CLCN1: variants seen among roughly 807,000 people sequenced by gnomAD.
CLCN1 encodes chloride channel protein 1.
Under a neutral mutation model 114.5 loss-of-function variants are expected in CLCN1, and 100 were observed. The observed-to-expected ratio is 0.87, with a 90% CI of 0.74 to 1.03. The LOEUF (loss-of-function observed/expected upper bound fraction) is 1.03, where lower values mean the gene tolerates loss of function less well. Ranked by LOEUF, CLCN1 falls within the 50% of genes least tolerant of loss-of-function variation. The pLI is 0.00. For synonymous variants in CLCN1, 485 were observed against 487.1 expected, an observed-to-expected ratio of 1.00 and a Z score of 0.06; for missense variants, 1,188 against 1,250.0, an observed-to-expected ratio of 0.95 and a Z score of 0.75.
intron 16 of CLCN1, among the ~76,000 whole-genome samples, chr7:143,343,132 C>T (rs557479399): frequency 2.0e-5 from 3 of 152,288 alleles, no homozygotes; most frequent in African/African-American, 7.2e-5. Context: ...CTGGTAAAGA[C>T]ACCTTATTTC....
chr7:143,319,128 G>A (rs982853644), intron 1 of CLCN1, among the ~76,000 whole-genome samples: 1 of 152,190 alleles, frequency 6.6e-6, no homozygotes, highest in Non-Finnish European at 1.5e-5. Context: ...TGTGGGGCAG[G>A]TAGGGGTCTA....
At chr7:143,323,529 G>A (rs781235162) in intron 6 of CLCN1, 143 bp downstream of exon 6, 38 of 728,378 alleles carry the variant, frequency 5.2e-5, no homozygotes, top group African/African-American at 1.6e-4. Flanking sequence ...TCCCTTCCTC[G>A]TCTCCCTGTC....
In CLCN1 at chr7:143,321,965, G is replaced by A; in HGVS notation, c.696+117G>A. 8.6e-7 allele frequency: 1 copy of A among 1,166,006 alleles called. No homozygotes were observed. Among genetic ancestry groups the A allele is most frequent in the Non-Finnish European group, 1.2e-6 (1 of 830,328 alleles). 72.2% of individuals were successfully genotyped at this position (1,166,006 alleles called of 1,614,324 possible). A position where few individuals can be genotyped will look rare whatever the true frequency, so the allele number is the denominator to read the frequency against. The stretch of plus-strand genomic sequence containing the variant: ...GATCAGGGGACAGGACCAAGGCCAG[G>A]GCCAGGGGACACTAGGAAGGGGAAA... On this transcript the variant is annotated intron_variant, in intron 5 of 22. Transcript: ENST00000343257. This position sits in a 1 kb window ranked among gnomAD's most constrained non-coding sequence, Gnocchi z 4.2.
chr7:143,339,249 C>G lies in CLCN1; in HGVS notation c.1402-4C>G. 1 of 1,599,532 alleles carries G rather than the reference C, an allele frequency of 6.3e-7. No homozygotes were observed. The highest frequency in any genetic ancestry group is 2.2e-5 in the East Asian group (1 of 44,836). ...GGGTATTCCAACGCTTCTTTCTACT[C>G]CAGTTCTGGATGTCCATCGTGGCCA... On this transcript the variant is annotated splice_polypyrimidine_tract_variant and splice_region_variant and intron_variant, in intron 12 of 22. Transcript: ENST00000343257. The surrounding 1 kb of genome is among the most constrained non-coding windows in gnomAD (Gnocchi z 4.1).
At chr7:143,341,892 A>T (rs1460762041) in intron 14 of CLCN1, 37 bp from the exon 15 acceptor site, 2 of 1,540,360 alleles carry the variant, frequency 1.3e-6, no homozygotes, top group Non-Finnish European at 1.8e-6. Context: ...TAAGAACGGT[A>T]GCCCTAACCT....
chr7:143,345,913 A>G, intron 17 of CLCN1, 151 bp downstream of exon 17: 1 of 1,187,334 alleles, frequency 8.4e-7, no homozygotes, highest in Non-Finnish European at 1.2e-6. Flanking sequence ...TGAGAAAGCC[A>G]GAAATTCTGG....
rs184837220 is a variant in CLCN1 at position 143,350,538 on chromosome 7, C to T, written c.2509-30C>T. The T allele has an allele frequency of 1.1e-5, 17 of 1,610,364 alleles. No homozygotes were observed. The highest frequency in any genetic ancestry group is 1.4e-5 in the Non-Finnish European group (17 of 1,176,528). On this transcript the variant is annotated intron_variant, in intron 21 of 22. Transcript: ENST00000343257. This position sits in a 1 kb window ranked among gnomAD's most constrained non-coding sequence, Gnocchi z 5.1. ...GGCAGGAGAGCTGTGGGGCAAGGAA[C>T]ATGCACTGACCTGTGCTCTTCATCC...
Position 143,339,645 on chromosome 7 carries a change from G to A in CLCN1, c.1582+24G>A, listed in dbSNP as rs745755311. On this transcript the variant is annotated intron_variant, in intron 14 of 22. Coordinates refer to ENST00000343257, the MANE Select transcript of CLCN1 (RefSeq NM_000083.3). This position sits in a 1 kb window ranked among gnomAD's most constrained non-coding sequence, Gnocchi z 4.1. ...TGGTGAGAAACATTCCCACTTCCCT[G>A]TAATCAAACATTGAGTACTTCAGAT... 7 of 1,396,592 alleles carry A rather than the reference G, an allele frequency of 5.0e-6. No homozygotes were observed. The highest frequency in any genetic ancestry group is 2.0e-6 in the Non-Finnish European group (2 of 981,582). The allele number at this position is 1,396,592 out of a possible 1,614,324, so 86.5% of individuals were successfully genotyped here. A position where few individuals can be genotyped will look rare whatever the true frequency, so the allele number is the denominator to read the frequency against.
At chr7:143,335,172 C>T (rs1189411791) in intron 12 of CLCN1, among the ~76,000 whole-genome samples, 1 of 152,182 alleles carries the variant, frequency 6.6e-6, no homozygotes, top group Non-Finnish European at 1.5e-5. Context: ...AAACCTCATC[C>T]CAGCTCTCCA....
chr7:143,317,771 T>C (rs963944164), intron 1 of CLCN1, among the ~76,000 whole-genome samples: 3 of 152,052 alleles, frequency 2.0e-5, no homozygotes, highest in African/African-American at 7.2e-5. Flanking sequence ...CAGGTCAGTG[T>C]AGGCTGGAAT....
At chr7:143,349,302 T>C (rs868171624) in intron 20 of CLCN1, among the ~76,000 whole-genome samples, 1 of 151,942 alleles carries the variant, frequency 6.6e-6, no homozygotes, top group Non-Finnish European at 1.5e-5. Context: ...TATAGAGGAG[T>C]CATGATTGTA....
At position 143,332,421 on chromosome 7, in the gene CLCN1, G is replaced by T. The variant is rs770282110; in HGVS notation, c.1169G>T (p.Arg390Leu). 4 of 1,613,318 alleles carry T rather than the reference G, an allele frequency of 2.5e-6. No individual in the cohort carries two copies. The highest frequency in any genetic ancestry group is 3.3e-5 in the Admixed American group (2 of 59,998). ...KALSQFLAKHRLLYPGIVTFV... is the reference protein window; with the variant it reads ...KALSQFLAKHLLLYPGIVTFV... Reference sequence around the variant, plus strand: ...GGTTAACTCTGTTTCTTTTTCAGCCGCCTGCTGTATCCTGGAATTGTTACC... The same window carrying T: ...GGTTAACTCTGTTTCTTTTTCAGCCTCCTGCTGTATCCTGGAATTGTTACC... The change falls in exon 11 of 23, where the codon CGC (arginine) becomes CTC (leucine). Residue 390 changes from arginine (R) to leucine (L), a missense_variant and splice_region_variant. Arg to Leu is a moderately radical substitution (Grantham distance 102, BLOSUM62 -2). Coordinates refer to ENST00000343257, the MANE Select transcript of CLCN1 (RefSeq NM_000083.3).
At chr7:143,345,877 G>T in intron 17 of CLCN1, 115 bp downstream of exon 17, 4 of 1,427,720 alleles carry the variant, frequency 2.8e-6, no homozygotes, top group Non-Finnish European at 3.8e-6. Flanking sequence ...AAAGTAGTGG[G>T]AAGAGGGAGG....
chr7:143,351,122 C>T (rs10233455), intron 22 of CLCN1, among the ~76,000 whole-genome samples: 3 of 152,066 alleles, frequency 2.0e-5, no homozygotes, highest in Non-Finnish European at 4.4e-5. Flanking sequence ...GTAGAGCAAG[C>T]AGCCAGCTGA....
At position 143,319,626 on chromosome 7, in the gene CLCN1, T is replaced by A. The variant is rs1586482786; in HGVS notation, c.181-129T>A. 6 of 930,592 alleles carry A rather than the reference T, an allele frequency of 6.4e-6. No individual in the cohort carries two copies. In the South Asian group the frequency reaches 7.8e-5, roughly 12 times the overall value. 57.6% of individuals were successfully genotyped at this position (930,592 alleles called of 1,614,324 possible). ...GGCAGGGATGACCACAAAGTCACCC[T>A]GCATGCAGTCAACACCCAGAATTCA... On this transcript the variant is annotated intron_variant, in intron 1 of 22. Coordinates refer to ENST00000343257, the MANE Select transcript of CLCN1 (RefSeq NM_000083.3).
Position 143,331,787 on chromosome 7 carries a change from G to A in CLCN1, c.1166+135G>A, listed in dbSNP as rs568681680. ...TAAAATATAAGGAAGCTCTGATATT[G>A]TGGTTAGGGGGTGAATTGTGTGGTC... On this transcript the variant is annotated intron_variant, in intron 10 of 22. Coordinates refer to ENST00000343257, the MANE Select transcript of CLCN1 (RefSeq NM_000083.3). The A allele has an allele frequency of 9.1e-5, 65 of 714,626 alleles. No individual in the cohort carries two copies. The African/African-American group carries it at 9.5e-4, about 10-fold the overall frequency. The allele number at this position is 714,626 out of a possible 1,614,324, so 44.3% of individuals were successfully genotyped here. A position where few individuals can be genotyped will look rare whatever the true frequency, so the allele number is the denominator to read the frequency against.
intron 7 of CLCN1, among the ~76,000 whole-genome samples, chr7:143,330,550 C>G (rs1340376828): frequency 6.6e-6 from 1 of 152,196 alleles, no homozygotes; most frequent in Non-Finnish European, 1.5e-5. Context: ...TTTCAATCTT[C>G]TCTGTGTTGG....
Position 143,321,811 on chromosome 7 carries a change from C to A in CLCN1, c.659C>A (p.Thr220Asn), listed in dbSNP as rs1480129666. ...KAFVAKVVAL[T>N]AGLGSGIPVG... ...TTTGTGGCCAAGGTTGTCGCCCTGACTGCGGGCCTGGGCAGTGGCATCCCC... is the reference window on the plus strand; with the variant it reads ...TTTGTGGCCAAGGTTGTCGCCCTGAATGCGGGCCTGGGCAGTGGCATCCCC... Residue 220 changes from threonine (T) to asparagine (N), a missense_variant, in exon 5 of 23, where the codon ACT becomes AAT. Coordinates refer to ENST00000343257, the MANE Select transcript of CLCN1 (RefSeq NM_000083.3). This position sits in a 1 kb window ranked among gnomAD's most constrained non-coding sequence, Gnocchi z 4.2. 1 of 1,614,248 alleles carries A rather than the reference C, an allele frequency of 6.2e-7. No homozygotes were observed. Among genetic ancestry groups the A allele is most frequent in the Non-Finnish European group, 8.5e-7 (1 of 1,180,044 alleles).
chr7:143,331,420 A>G, intron 9 of CLCN1, 104 bp downstream of exon 9: 1 of 1,125,832 alleles, frequency 8.9e-7, no homozygotes. Context: ...GCACAGATAG[A>G]GTACATTGCT....
Sources: allele counts gnomAD v4.1 joint callset (sites outside exome capture counted in the v4.1 genomes callset), GRCh38; gene constraint gnomAD v4.1.1; non-coding constraint Gnocchi (gnomAD v3.1); transcripts MANE v1.5; gene names NCBI Gene and HGNC (gene_info 2026-07-23, HGNC 2026-07-21).